The following LINGO2 variants were observed in gnomAD, a reference collection of about 807,000 sequenced individuals.
LINGO2 encodes the protein leucine-rich repeat and immunoglobulin-like domain-containing nogo receptor-interacting protein 2.
LINGO2 carries 14 observed loss-of-function variants against 30.6 expected under a neutral mutation model. The observed-to-expected ratio is 0.46, with a 90% CI of 0.30 to 0.72. The LOEUF is 0.72. LINGO2 is among the 30% of genes least tolerant of loss of function. The pLI is 0.07. For synonymous variants in LINGO2, 317 were observed against 288.5 expected, an observed-to-expected ratio of 1.10 and a Z score of -1.00; for missense variants, 729 against 751.7, an observed-to-expected ratio of 0.97 and a Z score of 0.35.
At chr9:28,490,337 C>T (rs975798186) in intron 1 of LINGO2, among the ~76,000 whole-genome samples, 4 of 152,264 alleles carry the variant, frequency 2.6e-5, no homozygotes, top group African/African-American at 9.6e-5. Flanking sequence ...ACTAGCTGTA[C>T]AATAATTAGC....
the LINGO2 span, among the ~76,000 whole-genome samples, chr9:28,972,432 T>C: frequency 4.6e-5 from 7 of 152,196 alleles, no homozygotes; most frequent in African/African-American, 1.2e-4. Context: ...TTCAGAATTC[T>C]ATGAGCTAAA....
chr9:28,768,692 C>G, the LINGO2 span, among the ~76,000 whole-genome samples: 1 of 151,590 alleles, frequency 6.6e-6, no homozygotes, highest in Non-Finnish European at 1.5e-5. Context: ...TACATGTATA[C>G]ACAAATATAT....
At chr9:29,004,383 T>C in the LINGO2 span, among the ~76,000 whole-genome samples, 8 of 151,990 alleles carry the variant, frequency 5.3e-5, no homozygotes, top group African/African-American at 1.7e-4. Context: ...AATTCTTCCA[T>C]GAACACAATT....
intron 5 of LINGO2, among the ~76,000 whole-genome samples, chr9:27,971,241 C>T (rs1317164603): frequency 6.6e-6 from 1 of 151,444 alleles, no homozygotes. Flanking sequence ...CTGTTTCCAT[C>T]TTTCCTTCTA....
At chr9:28,275,735 A>C (rs374534987) in intron 4 of LINGO2, among the ~76,000 whole-genome samples, 4 of 152,240 alleles carry the variant, frequency 2.6e-5, no homozygotes, top group African/African-American at 7.2e-5. Context: ...GGTAATGTGA[A>C]TATCATGTAA....
intron 1 of LINGO2, among the ~76,000 whole-genome samples, chr9:28,602,000 G>A (rs1166460864): frequency 6.6e-6 from 1 of 152,080 alleles, no homozygotes; most frequent in Non-Finnish European, 1.5e-5. Context: ...GCATTCTCAA[G>A]AAACAGATTC....
At chr9:28,086,237 A>C (rs1333463447) in intron 4 of LINGO2, among the ~76,000 whole-genome samples, 2 of 152,208 alleles carry the variant, frequency 1.3e-5, no homozygotes, top group Non-Finnish European at 2.9e-5. Context: ...GAGCTGACAA[A>C]ATTAAAACAT....
rs181414985 is a variant in LINGO2, at chr9:28,371,134, T to C, written c.-246+1702A>G. Among the ~76,000 whole-genome samples the C allele has an allele frequency of 2.0e-5, 3 of 152,300 alleles. No homozygotes were observed. In the East Asian group the frequency reaches 5.8e-4, roughly 29 times the overall value. On this transcript the variant is annotated intron_variant, in intron 3 of 5. Transcript: ENST00000379992. ...TTTCCTGGAGATGGGTCTGGAGTTA[T>C]CAAGAATTATTTTCCTTTTTTAATT...
chr9:28,494,219 C>T (rs996995922), intron 1 of LINGO2, among the ~76,000 whole-genome samples: 4 of 151,218 alleles, frequency 2.6e-5, no homozygotes, highest in Non-Finnish European at 4.4e-5. Flanking sequence ...ATTTAGGCTA[C>T]TTTTTTTTTA....
intron 4 of LINGO2, among the ~76,000 whole-genome samples, chr9:28,197,752 C>G (rs1820066490): frequency 6.6e-6 from 1 of 151,392 alleles, no homozygotes; most frequent in Non-Finnish European, 1.5e-5. Context: ...TAAAAATGAT[C>G]AAATCAAAAG....
At position 28,376,261 on chromosome 9, in the gene LINGO2, GAAGA is replaced by G. The variant is rs1362428104; in HGVS notation, c.-278-3397_-278-3394del. ...TTTTAGAATGGGTAGGAGAAGAGAA[GAAGA>G]GAAGAGAAGAGAAGAGAAGCGAAGC... is the stretch of plus-strand genomic sequence containing the variant. On this transcript the variant is annotated intron_variant, in intron 2 of 5. Coordinates refer to ENST00000379992, the Ensembl canonical transcript of LINGO2. Among the ~76,000 whole-genome samples the G allele has an allele frequency of 1.7e-4, 24 of 142,932 alleles. No homozygotes were observed. The South Asian group carries it at 5.0e-3, about 30-fold the overall frequency. The allele number at this position is 142,932 out of a possible 152,430, so 93.8% of individuals were successfully genotyped here.
At chr9:28,979,871 G>A in the LINGO2 span, among the ~76,000 whole-genome samples, 2 of 152,010 alleles carry the variant, frequency 1.3e-5, no homozygotes, top group African/African-American at 4.8e-5. Flanking sequence ...GGGAAAACAA[G>A]ACATTATATT....
At chr9:28,074,766 A>C (rs1239789480) in intron 4 of LINGO2, among the ~76,000 whole-genome samples, 1 of 152,140 alleles carries the variant, frequency 6.6e-6, no homozygotes. Flanking sequence ...GGAAAAGCTT[A>C]ACATGGGTGA....
At chr9:28,575,912 C>G (rs1166111453) in intron 1 of LINGO2, among the ~76,000 whole-genome samples, 1 of 133,206 alleles carries the variant, frequency 7.5e-6, no homozygotes, top group Non-Finnish European at 1.6e-5. Context: ...TATAATTATC[C>G]TCTTAGCCTT....
chr9:28,233,058 A>ATATATATG (rs1439281599), intron 4 of LINGO2, among the ~76,000 whole-genome samples: 1 of 126,276 alleles, frequency 7.9e-6, no homozygotes, highest in African/African-American at 3.2e-5. Flanking sequence ...ATATATATAT[A>ATATATATG]TATTAGATAT....
intron 3 of LINGO2, among the ~76,000 whole-genome samples, chr9:28,364,030 G>C (rs1820558776): frequency 6.6e-6 from 1 of 151,220 alleles, no homozygotes; most frequent in South Asian, 2.1e-4. Flanking sequence ...GGGTAAAGAT[G>C]GCTGTTACCC....
At chr9:28,951,233 A>T in the LINGO2 span, among the ~76,000 whole-genome samples, 1 of 152,156 alleles carries the variant, frequency 6.6e-6, no homozygotes, top group Admixed American at 6.5e-5. Flanking sequence ...CTTCTGCAAA[A>T]ATTAACTCTA....
chr9:29,013,400 T>TC, the LINGO2 span, among the ~76,000 whole-genome samples: 3 of 151,858 alleles, frequency 2.0e-5, no homozygotes, highest in African/African-American at 7.3e-5. Flanking sequence ...GTTTTTTTTT[T>TC]CATGGCTCAC....
chr9:28,595,157 A>T (rs1418093566), intron 1 of LINGO2, among the ~76,000 whole-genome samples: 1 of 152,108 alleles, frequency 6.6e-6, no homozygotes, highest in African/African-American at 2.4e-5. Flanking sequence ...CTATCACTTA[A>T]GATAGGTGAG....
Sources: allele counts gnomAD v4.1 joint callset (sites outside exome capture counted in the v4.1 genomes callset), GRCh38; gene constraint gnomAD v4.1.1; transcripts MANE v1.5; gene names NCBI Gene and HGNC (gene_info 2026-07-23, HGNC 2026-07-21).